The following STK24 variants were observed in gnomAD, a reference collection of about 807,000 sequenced individuals.
STK24 encodes the protein serine/threonine-protein kinase 24.
A neutral mutation model predicts 55.6 loss-of-function variants in STK24; 21 were observed. That is an observed-to-expected ratio of 0.38 (90% CI 0.27 to 0.54). The LOEUF is 0.54. STK24 is among the 20% of genes least tolerant of loss of function. STK24 has a pLI of 0.79. For synonymous variants in STK24, 200 were observed against 215.2 expected (o/e 0.93, Z 0.62); for missense variants, 383 against 538.4 (o/e 0.71, Z 2.86).
At chr13:98,506,098 C>T (rs540927339) in intron 2 of STK24, among the ~76,000 whole-genome samples, 3 of 152,284 alleles carry the variant, frequency 2.0e-5, no homozygotes, top group Admixed American at 1.3e-4. Flanking sequence ...CAAAAGGACT[C>T]GCCAAAACAC....
chr13:98,494,067 C>T (rs1485180014), intron 2 of STK24, among the ~76,000 whole-genome samples: 1 of 147,762 alleles, frequency 6.8e-6, no homozygotes, highest in Non-Finnish European at 1.5e-5. Context: ...TGGTCTCGAT[C>T]TCCTGACCTC....
At position 98,446,647 on chromosome 13, in the gene STK24, C is replaced by G. The variant is rs778364254; in HGVS notation, c.*6526G>C. On this transcript the variant is annotated 3_prime_UTR_variant, in exon 11 of 11. Coordinates refer to ENST00000539966, the MANE Select transcript of STK24 (RefSeq NM_001032296.4). Reference sequence around the variant, plus strand: ...AAGCTGACCCCGAAAAGCCACTTTGCTTTGTTTCCCCTTTCCAGGACAATC... The same window carrying G: ...AAGCTGACCCCGAAAAGCCACTTTGGTTTGTTTCCCCTTTCCAGGACAATC... 6.2e-7 allele frequency: 1 copy of G among 1,612,990 alleles called. No homozygotes were observed. Among genetic ancestry groups the G allele is most frequent in the South Asian group, 1.1e-5 (1 of 91,016 alleles).
intron 3 of STK24, among the ~76,000 whole-genome samples, chr13:98,476,550 C>T (rs1266710751): frequency 6.6e-6 from 1 of 152,248 alleles, no homozygotes; most frequent in African/African-American, 2.4e-5. Context: ...AAAACTAGGG[C>T]GCTCCTCCAC....
intron 6 of STK24, 47 bp downstream of exon 6, chr13:98,466,329 G>C (rs765420739): frequency 6.3e-7 from 1 of 1,587,100 alleles, no homozygotes; most frequent in East Asian, 2.2e-5. Flanking sequence ...TCTCAACCAA[G>C]TCAAGCCGCA....
intron 1 of STK24, chr13:98,576,088 G>T: frequency 2.0e-6 from 2 of 984,888 alleles, no homozygotes; most frequent in Non-Finnish European, 2.4e-6. Flanking sequence ...CGGGACCCTG[G>T]TGCGCGGCTG....
chr13:98,447,859 AAG>A lies in STK24; in HGVS notation c.*5312_*5313del, dbSNP rs1238112182. The A allele has an allele frequency of 4.7e-6, 1 of 213,924 alleles. No homozygotes were observed. The highest frequency in any genetic ancestry group is 2.3e-5 in the African/African-American group (1 of 42,830). 13.3% of individuals were successfully genotyped at this position (213,924 alleles called of 1,614,324 possible). On this transcript the variant is annotated 3_prime_UTR_variant, in exon 11 of 11. Coordinates refer to ENST00000539966, the MANE Select transcript of STK24 (RefSeq NM_001032296.4). Reference sequence around the variant, plus strand: ...GACCCTGTCTCAAAAAAAAAAGAAAAAGAAAAAAGGAAGGGAGAGCTTCCACT... The same window carrying A: ...GACCCTGTCTCAAAAAAAAAAGAAAAAAAAAAGGAAGGGAGAGCTTCCACT...
chr13:98,525,085 T>C (rs1441325119), intron 1 of STK24, among the ~76,000 whole-genome samples: 2 of 152,172 alleles, frequency 1.3e-5, no homozygotes, highest in Non-Finnish European at 2.9e-5. Context: ...CTTGCACGGG[T>C]TCATTACCAT....
intron 1 of STK24, among the ~76,000 whole-genome samples, chr13:98,522,754 A>G (rs1896307694): frequency 6.6e-6 from 1 of 152,194 alleles, no homozygotes; most frequent in African/African-American, 2.4e-5. Flanking sequence ...GTGCCCAGGT[A>G]TGATAAGTGG....
chr13:98,519,719 G>A (rs1896194793), intron 1 of STK24, among the ~76,000 whole-genome samples: 1 of 152,146 alleles, frequency 6.6e-6, no homozygotes, highest in African/African-American at 2.4e-5. Flanking sequence ...CAATCACCCA[G>A]CTAGATTAGA....
At chr13:98,537,240 G>A (rs1896760726) in intron 1 of STK24, among the ~76,000 whole-genome samples, 1 of 152,216 alleles carries the variant, frequency 6.6e-6, no homozygotes, top group South Asian at 2.1e-4. Flanking sequence ...CAGTCCTCCT[G>A]GGTGAGGCTG....
chr13:98,463,645 G>A (rs754763978), intron 7 of STK24, 46 bp downstream of exon 7: 17 of 1,543,122 alleles, frequency 1.1e-5, no homozygotes, highest in Non-Finnish European at 1.4e-5. Context: ...AAAGACCAGC[G>A]GATCCCTCCC....
At chr13:98,488,907 C>T (rs1218795565) in intron 2 of STK24, among the ~76,000 whole-genome samples, 1 of 152,216 alleles carries the variant, frequency 6.6e-6, no homozygotes, top group African/African-American at 2.4e-5. Context: ...CCTGAAATGC[C>T]CTTGGCAGCC....
At chr13:98,494,428 A>AAAAAAAAAAAAAAAAAAAAT (rs58955737) in intron 2 of STK24, among the ~76,000 whole-genome samples, 1 of 148,882 alleles carries the variant, frequency 6.7e-6, no homozygotes, top group African/African-American at 2.5e-5. Context: ...AAAAAAAAAA[A>AAAAAAAAAAAAAAAAAAAAT]GTGCCTCTAA....
At chr13:98,510,278 A>G (rs2139363794) in intron 2 of STK24, among the ~76,000 whole-genome samples, 1 of 152,336 alleles carries the variant, frequency 6.6e-6, no homozygotes, top group East Asian at 1.9e-4. Context: ...ACCAGGTAAA[A>G]GAAGCATCCT....
At position 98,460,163 on chromosome 13, in the gene STK24, C is replaced by G. The variant is rs961537611; in HGVS notation, c.1122+209G>C. 5.9e-5 allele frequency among the ~76,000 whole-genome samples: 9 copies of G among 152,106 alleles called. No individual in the cohort carries two copies. The East Asian group carries it at 1.2e-3, about 20-fold the overall frequency. ...GTCACTGTCATCCAGTCTACACATT[C>G]CAGGCTGCGGCGGAGTGGGCATCAC... On this transcript the variant is annotated intron_variant, in intron 9 of 10. Coordinates refer to ENST00000539966, the MANE Select transcript of STK24 (RefSeq NM_001032296.4).
intron 1 of STK24, among the ~76,000 whole-genome samples, chr13:98,576,481 G>A (rs1897896242): frequency 6.6e-6 from 1 of 152,082 alleles, no homozygotes; most frequent in Non-Finnish European, 1.5e-5. Context: ...GAGCGCGGAG[G>A]ACTAGGCGCC....
chr13:98,526,339 A>T (rs1292739477), intron 1 of STK24, among the ~76,000 whole-genome samples: 1 of 152,062 alleles, frequency 6.6e-6, no homozygotes. Context: ...ATAGGAGTGG[A>T]TTTATTGAGG....
At chr13:98,546,117 T>C (rs1029629031) in intron 1 of STK24, among the ~76,000 whole-genome samples, 2 of 152,186 alleles carry the variant, frequency 1.3e-5, no homozygotes, top group Non-Finnish European at 2.9e-5. Context: ...TAAAAGACAA[T>C]GCACAGATGA....
chr13:98,541,005 A>G (rs1334222929), intron 1 of STK24, among the ~76,000 whole-genome samples: 2 of 152,164 alleles, frequency 1.3e-5, no homozygotes, highest in South Asian at 4.1e-4. Context: ...GTGATTTAGC[A>G]GGAGACAAAA....
Sources: gnomAD v4.1 joint callset for allele counts (sites outside exome capture counted in the v4.1 genomes callset) on GRCh38, gnomAD v4.1.1 for gene constraint, MANE v1.5 for transcripts, NCBI Gene and HGNC (gene_info 2026-07-23, HGNC 2026-07-21) for gene names.